CNTNAP4: variants seen among roughly 807,000 people sequenced by gnomAD.
CNTNAP4 encodes contactin associated protein family member 4, also known as contactin-associated protein-like 4.
Under a neutral mutation model 148.4 loss-of-function variants are expected in CNTNAP4, and 98 were observed. The observed-to-expected ratio is 0.66, with a 90% CI of 0.56 to 0.78. CNTNAP4 has a LOEUF of 0.78. CNTNAP4 is among the 30% of genes least tolerant of loss of function. The probability of loss-of-function intolerance (pLI) is 0.00; values close to 1 mark genes in which losing one functional copy is unlikely to be tolerated. For synonymous variants in CNTNAP4, 730 were observed against 565.1 expected, an observed-to-expected ratio of 1.29 and a Z score of -4.14; for missense variants, 1,935 against 1,565.6, an observed-to-expected ratio of 1.24 and a Z score of -3.98.
chr16:76,357,047 CAACAA>C (rs1401274072), intron 3 of CNTNAP4, among the ~76,000 whole-genome samples: 9 of 145,818 alleles, frequency 6.2e-5, no homozygotes, highest in Non-Finnish European at 7.5e-5. Flanking sequence ...ACAAACAAAA[CAACAA>C]AACAAAACAC....
chr16:76,535,553 G>C lies in CNTNAP4; in HGVS notation c.2764G>C (p.Ala922Pro). 1.9e-6 allele frequency: 3 copies of C among 1,611,988 alleles called. No individual in the cohort carries two copies. The highest frequency in any genetic ancestry group is 2.5e-6 in the Non-Finnish European group (3 of 1,179,780). ...LNSQLFVGGT[A>P]TRQRGFLGCI... ...CAGTATTTCCCTTTTAGGTGGAACGGCCACCAGACAGAGAGGCTTTCTGGG... is the reference window on the plus strand; with the variant it reads ...CAGTATTTCCCTTTTAGGTGGAACGCCCACCAGACAGAGAGGCTTTCTGGG... The change falls in exon 18 of 24, where the codon GCC (alanine) becomes CCC (proline). Residue 922 changes from alanine to proline, a missense_variant. By Grantham distance (27) the Ala-to-Pro change is conservative (BLOSUM62 -1). Transcript: ENST00000611870.
intron 10 of CNTNAP4, among the ~76,000 whole-genome samples, chr16:76,469,859 C>G (rs944746368): frequency 6.6e-6 from 1 of 152,124 alleles, no homozygotes; most frequent in Non-Finnish European, 1.5e-5. Flanking sequence ...CATTTGCATA[C>G]TTTTTAAATT....
In CNTNAP4 at chr16:76,521,291, T is replaced by C. The variant is rs368590189; in HGVS notation, c.2517T>C (p.Phe839=). ...VFLENLGIAD[F]IRIELRSPTV... is the part of the protein sequence containing the mutation. ...TAGAGAACTTGGGGATTGCTGATTT[T>C]ATACGGATAGAGCTTCGCTGTAAGT... The change falls in exon 16 of 24, where the codon TTT becomes TTC. Residue 839 remains phenylalanine (F), a synonymous_variant. Transcript: ENST00000611870. 1 of 1,611,536 alleles carries C rather than the reference T, an allele frequency of 6.2e-7. No individual in the cohort carries two copies. Among genetic ancestry groups the C allele is most frequent in the African/African-American group, 1.3e-5 (1 of 74,760 alleles).
chr16:76,441,426 C>A (rs557176809), intron 4 of CNTNAP4, among the ~76,000 whole-genome samples: 19 of 152,070 alleles, frequency 1.2e-4, no homozygotes, highest in Admixed American at 2.6e-4. Flanking sequence ...GTAAATAAAG[C>A]AAGCTATACC....
chr16:76,319,687 G>C (rs1024390589), intron 2 of CNTNAP4, among the ~76,000 whole-genome samples: 3 of 152,142 alleles, frequency 2.0e-5, no homozygotes, highest in Admixed American at 2.0e-4. Context: ...AGGAAAGACA[G>C]AGTAGACCAG....
chr16:76,424,353 T>A (rs1388412559), intron 3 of CNTNAP4, among the ~76,000 whole-genome samples: 1 of 152,184 alleles, frequency 6.6e-6, no homozygotes, highest in Non-Finnish European at 1.5e-5. Context: ...AATTAGGGAT[T>A]GTGTTAGTCT....
At chr16:76,417,156 A>G (rs1015780688) in intron 3 of CNTNAP4, among the ~76,000 whole-genome samples, 1 of 151,234 alleles carries the variant, frequency 6.6e-6, no homozygotes, top group Admixed American at 6.6e-5. Context: ...CTTTCTATAT[A>G]CTCTGACAAT....
chr16:76,328,790 C>T (rs569835280), intron 2 of CNTNAP4, among the ~76,000 whole-genome samples: 15 of 152,162 alleles, frequency 9.9e-5, no homozygotes, highest in African/African-American at 2.4e-4. Flanking sequence ...GGACTACAGG[C>T]GCCTGCCACC....
At position 76,323,379 on chromosome 16, in the gene CNTNAP4, G is replaced by T. The variant is rs139234733; in HGVS notation, c.196+6856G>T. Among the ~76,000 whole-genome samples, 370 of 151,964 alleles carry T rather than the reference G, an allele frequency of 2.4e-3. 4 individuals are homozygous for T. The highest frequency in any genetic ancestry group is 4.2e-3 in the South Asian group (20 of 4,818). On this transcript the variant is annotated intron_variant, in intron 2 of 23. Transcript: ENST00000611870. ...CTAAAACATTAACATTTTGATAAAG[G>T]TTGGAAAATAAAGTTCCAGATTAAT... is the stretch of plus-strand genomic sequence containing the variant.
chr16:76,301,140 A>G (rs1959920150), intron 1 of CNTNAP4, among the ~76,000 whole-genome samples: 1 of 151,758 alleles, frequency 6.6e-6, no homozygotes, highest in African/African-American at 2.4e-5. Context: ...AGTGTATAAA[A>G]AATTAACACA....
chr16:76,364,301 C>A (rs932347787), intron 3 of CNTNAP4, among the ~76,000 whole-genome samples: 1 of 138,376 alleles, frequency 7.2e-6, no homozygotes, highest in Non-Finnish European at 1.5e-5. Flanking sequence ...GCTGTAGATA[C>A]ACATAGCAAT....
At chr16:76,517,804 C>A (rs1218701534) in intron 15 of CNTNAP4, among the ~76,000 whole-genome samples, 10 of 152,166 alleles carry the variant, frequency 6.6e-5, no homozygotes. Context: ...CCTTACCCCT[C>A]TGAGCCGCTG....
intron 8 of CNTNAP4, among the ~76,000 whole-genome samples, chr16:76,455,612 A>G (rs150064848): frequency 3.2e-4 from 49 of 152,344 alleles, no homozygotes; most frequent in African/African-American, 1.1e-3. Context: ...TCTTGACAAG[A>G]GCTATCTGGT....
At chr16:76,315,577 A>T (rs1000045181) in intron 1 of CNTNAP4, among the ~76,000 whole-genome samples, 1 of 152,238 alleles carries the variant, frequency 6.6e-6, no homozygotes, top group Admixed American at 6.5e-5. Flanking sequence ...TTGAGGATCA[A>T]TTTATATAGG....
chr16:76,366,117 C>T (rs565275220), intron 3 of CNTNAP4, among the ~76,000 whole-genome samples: 4 of 151,858 alleles, frequency 2.6e-5, no homozygotes, highest in East Asian at 1.9e-4. Flanking sequence ...TTTTTAGTTT[C>T]GTGTCAAATT....
In CNTNAP4 at chr16:76,558,721, G is replaced by C; in HGVS notation, c.*38G>C. The C allele has an allele frequency of 6.7e-7, 1 of 1,491,642 alleles. No individual in the cohort carries two copies. Among genetic ancestry groups the C allele is most frequent in the Non-Finnish European group, 9.2e-7 (1 of 1,092,140 alleles). 92.4% of individuals were successfully genotyped at this position (1,491,642 alleles called of 1,614,324 possible). On this transcript the variant is annotated 3_prime_UTR_variant, in exon 24 of 24. Transcript: ENST00000611870. ...ATTTAACATAAAATTATGATAGTTT[G>C]TTTTAATAGCCAGGGGTTCTCAATG...
intron 4 of CNTNAP4, among the ~76,000 whole-genome samples, chr16:76,435,457 C>T (rs2079789586): frequency 6.6e-6 from 1 of 152,132 alleles, no homozygotes; most frequent in Non-Finnish European, 1.5e-5. Context: ...GTTCCTGCCA[C>T]CTCAGGATCC....
intron 3 of CNTNAP4, among the ~76,000 whole-genome samples, chr16:76,426,700 T>C (rs1012953305): frequency 6.6e-5 from 10 of 152,178 alleles, no homozygotes; most frequent in Admixed American, 1.3e-4. Flanking sequence ...ATGGTTGCAA[T>C]GGTTGCAAAC....
At chr16:76,452,203 T>C (rs1161756412) in intron 7 of CNTNAP4, among the ~76,000 whole-genome samples, 1 of 152,180 alleles carries the variant, frequency 6.6e-6, no homozygotes, top group Non-Finnish European at 1.5e-5. Context: ...TTTTCACAGA[T>C]TCATAATAGA....
Sources: gnomAD v4.1 joint callset for allele counts (sites outside exome capture counted in the v4.1 genomes callset) on GRCh38, gnomAD v4.1.1 for gene constraint, MANE v1.5 for transcripts, NCBI Gene and HGNC (gene_info 2026-07-23, HGNC 2026-07-21) for gene names.